Variants in ST8SIA2 observed in about 807,000 individuals in gnomAD.
ST8SIA2 encodes the protein alpha-2,8-sialyltransferase 8B.
Under a neutral mutation model 37.6 loss-of-function variants are expected in ST8SIA2, and 22 were observed. The observed-to-expected ratio is 0.58, with a 90% CI of 0.42 to 0.83. The LOEUF (loss-of-function observed/expected upper bound fraction) is 0.83, where lower values mean the gene tolerates loss of function less well. Ranked by LOEUF, ST8SIA2 falls within the 40% of genes least tolerant of loss-of-function variation. The pLI, the probability that ST8SIA2 is intolerant of heterozygous loss-of-function variation, is 0.00. For synonymous variants in ST8SIA2, 205 were observed against 201.2 expected (o/e 1.02, Z -0.16); for missense variants, 382 against 484.7 (o/e 0.79, Z 1.99).
chr15:92,437,516 T>A (rs971665358), intron 3 of ST8SIA2, among the ~76,000 whole-genome samples: 3 of 152,136 alleles, frequency 2.0e-5, no homozygotes, highest in Non-Finnish European at 4.4e-5. Flanking sequence ...TCTGAAACAA[T>A]GCAAAGGAGC....
chr15:92,399,840 T>C (rs1249991886), intron 1 of ST8SIA2, among the ~76,000 whole-genome samples: 1 of 152,234 alleles, frequency 6.6e-6, no homozygotes, highest in African/African-American at 2.4e-5. Flanking sequence ...AAACATGTTT[T>C]AGGTTTTACA....
intron 1 of ST8SIA2, among the ~76,000 whole-genome samples, chr15:92,394,494 A>T (rs1658778124): frequency 6.6e-6 from 1 of 151,180 alleles, no homozygotes; most frequent in African/African-American, 2.4e-5. Context: ...GGCGCCGGGG[A>T]GTGTCTCGGG....
At chr15:92,409,525 C>T (rs1262366709) in intron 1 of ST8SIA2, among the ~76,000 whole-genome samples, 3 of 152,002 alleles carry the variant, frequency 2.0e-5, no homozygotes, top group Admixed American at 6.6e-5. Context: ...TTTTGTTCTG[C>T]TTTTTTCATT....
intron 1 of ST8SIA2, among the ~76,000 whole-genome samples, chr15:92,411,970 A>G (rs2049552523): frequency 2.6e-5 from 4 of 152,206 alleles, no homozygotes; most frequent in Admixed American, 2.6e-4. Flanking sequence ...CGAGGCAACC[A>G]AGAGGAAGAA....
chr15:92,422,221 A>G (rs2049640251), intron 1 of ST8SIA2: 1 of 152,208 alleles, frequency 6.6e-6, no homozygotes, highest in Non-Finnish European at 1.5e-5. Context: ...TGGCATGGAC[A>G]ATAGCCTCTA....
intron 5 of ST8SIA2, among the ~76,000 whole-genome samples, chr15:92,453,785 C>T (rs2049899932): frequency 6.6e-6 from 1 of 152,178 alleles, no homozygotes; most frequent in African/African-American, 2.4e-5. Context: ...CTTTAGGCAC[C>T]AGTAGGCTCC....
intron 2 of ST8SIA2, 123 bp downstream of exon 2, chr15:92,430,234 C>T (rs1408523180): frequency 6.0e-6 from 6 of 998,144 alleles, no homozygotes; most frequent in East Asian, 2.6e-5. Flanking sequence ...TTCACTTTGG[C>T]TTTGCATTTC....
chr15:92,414,290 G>A (rs1320222604), intron 1 of ST8SIA2, among the ~76,000 whole-genome samples: 2 of 152,244 alleles, frequency 1.3e-5, no homozygotes, highest in South Asian at 2.1e-4. Flanking sequence ...CTGACTGGGT[G>A]AAGCTCTGGC....
rs148292865 is a variant in ST8SIA2 at position 92,461,034 on chromosome 15, G to A, written c.843-3066G>A. 1.4e-3 allele frequency among the ~76,000 whole-genome samples: 220 copies of A among 152,306 alleles called. 2 individuals are homozygous for A. Among genetic ancestry groups the A allele is most frequent in the African/African-American group, 5.1e-3 (214 of 41,558 alleles). On this transcript the variant is annotated intron_variant, in intron 5 of 5. Coordinates refer to ENST00000268164, the MANE Select transcript of ST8SIA2 (RefSeq NM_006011.4). ...TGCAGTGTGGTTAGGAAGGTTTGGAGAGAGAGAAAGGGGCATGAAATGGGC... is the reference window on the plus strand; with the variant it reads ...TGCAGTGTGGTTAGGAAGGTTTGGAAAGAGAGAAAGGGGCATGAAATGGGC...
rs369146609 is a variant in ST8SIA2 at position 92,446,859 on chromosome 15, T to C, written c.842+1930T>C. Among the ~76,000 whole-genome samples the C allele has an allele frequency of 2.0e-5, 3 of 152,150 alleles. No homozygotes were observed. The East Asian group carries it at 5.8e-4, about 29-fold the overall frequency. ...TCAAGGTTCAACCAAGAGACAAATGTGGTTGAAACAGAGTGAGCAAGGAGA... is the reference window on the plus strand; with the variant it reads ...TCAAGGTTCAACCAAGAGACAAATGCGGTTGAAACAGAGTGAGCAAGGAGA... On this transcript the variant is annotated intron_variant, in intron 5 of 5. Coordinates refer to ENST00000268164, the MANE Select transcript of ST8SIA2 (RefSeq NM_006011.4).
chr15:92,396,470 G>GT (rs111488508), intron 1 of ST8SIA2, among the ~76,000 whole-genome samples: 6,867 of 143,520 alleles, frequency 0.048, 176 homozygotes, highest in Admixed American at 0.082. Flanking sequence ...GTTTGTTTTT[G>GT]TTTTTTTTTT....
intron 4 of ST8SIA2, among the ~76,000 whole-genome samples, chr15:92,442,758 C>T (rs1378422313): frequency 6.6e-6 from 1 of 152,158 alleles, no homozygotes; most frequent in African/African-American, 2.4e-5. Context: ...TATCTGCTTA[C>T]AATGTTTAGC....
At chr15:92,416,133 C>A (rs757322664) in intron 1 of ST8SIA2, among the ~76,000 whole-genome samples, 1 of 146,386 alleles carries the variant, frequency 6.8e-6, no homozygotes, top group South Asian at 2.2e-4. Context: ...GCAGATAAGA[C>A]GGAGGCACAG....
intron 1 of ST8SIA2, among the ~76,000 whole-genome samples, chr15:92,398,091 G>T (rs539771086): frequency 4.6e-5 from 7 of 152,062 alleles, no homozygotes; most frequent in Non-Finnish European, 8.8e-5. Flanking sequence ...CCAAGATCAC[G>T]CCATTGCACT....
At chr15:92,429,343 G>A (rs996029329) in intron 1 of ST8SIA2, among the ~76,000 whole-genome samples, 2 of 152,180 alleles carry the variant, frequency 1.3e-5, no homozygotes, top group African/African-American at 4.8e-5. Context: ...GGATGAAACC[G>A]TGTGGCCAGA....
chr15:92,393,987 T>C lies in ST8SIA2; in HGVS notation c.-78T>C. The C allele has an allele frequency of 9.4e-7, 1 of 1,063,802 alleles. No individual in the cohort carries two copies. The highest frequency in any genetic ancestry group is 1.3e-6 in the Non-Finnish European group (1 of 794,018). 65.9% of individuals were successfully genotyped at this position (1,063,802 alleles called of 1,614,324 possible). ...CCAGCTGCGCGCGGCGCGCGGAGGC[T>C]CCGGCGTCCGCCGCTGCGCCCTCCG... is the stretch of plus-strand genomic sequence containing the variant. On this transcript the variant is annotated 5_prime_UTR_variant, in exon 1 of 6. Transcript: ENST00000268164.
In ST8SIA2 at chr15:92,394,022, C is replaced by A. The variant is rs1338817504; in HGVS notation, c.-43C>A. The A allele has an allele frequency of 1.3e-6, 2 of 1,497,052 alleles. No individual in the cohort carries two copies. Among genetic ancestry groups the A allele is most frequent in the East Asian group, 5.3e-5 (2 of 37,570 alleles). The allele number at this position is 1,497,052 out of a possible 1,614,324, so 92.7% of individuals were successfully genotyped here. ...GCCGCTGCGCCCTCCGGCCCCTGCT[C>A]CTCGCGCCGGCCCGCGTGGGTCCCG... On this transcript the variant is annotated 5_prime_UTR_variant, in exon 1 of 6. Transcript: ENST00000268164.
At chr15:92,396,651 A>G (rs536735877) in intron 1 of ST8SIA2, among the ~76,000 whole-genome samples, 62 of 151,590 alleles carry the variant, frequency 4.1e-4, no homozygotes, top group Non-Finnish European at 6.2e-4. Flanking sequence ...CTGCCACCAC[A>G]CCAGGCTAAT....
intron 1 of ST8SIA2, among the ~76,000 whole-genome samples, chr15:92,402,561 C>G (rs1282947366): frequency 6.6e-6 from 1 of 152,094 alleles, no homozygotes; most frequent in Non-Finnish European, 1.5e-5. Flanking sequence ...AGGAATAAGC[C>G]TTGGAAACAC....
Sources: allele counts gnomAD v4.1 joint callset (sites outside exome capture counted in the v4.1 genomes callset), GRCh38; gene constraint gnomAD v4.1.1; transcripts MANE v1.5; gene names NCBI Gene and HGNC (gene_info 2026-07-23, HGNC 2026-07-21).